Variants in STRN observed in about 807,000 individuals in gnomAD.
STRN encodes the protein protein phosphatase 2 regulatory subunit B'''alpha.
STRN carries 53 observed loss-of-function variants against 96.3 expected under a neutral mutation model. That is an observed-to-expected ratio of 0.55 (90% CI 0.44 to 0.69). The LOEUF (loss-of-function observed/expected upper bound fraction) is 0.69. STRN is among the 30% of genes least tolerant of loss of function. The pLI is 0.00. For missense variants in STRN, 987 were observed against 963.9 expected (o/e 1.02, Z -0.32); for synonymous variants, 428 against 355.9 (o/e 1.20, Z -2.28).
At chr2:36,944,422 C>G (rs1214223146) in intron 1 of STRN, among the ~76,000 whole-genome samples, 1 of 151,968 alleles carries the variant, frequency 6.6e-6, no homozygotes. Context: ...TTTGCGCACA[C>G]AAACAAAATA....
At chr2:36,862,045 T>C (rs1199389265) in intron 12 of STRN, among the ~76,000 whole-genome samples, 1 of 152,188 alleles carries the variant, frequency 6.6e-6, no homozygotes, top group African/African-American at 2.4e-5. Flanking sequence ...TGTTCCTGCA[T>C]TAGTTTGCTT....
chr2:36,929,648 G>A (rs200795049), intron 1 of STRN, among the ~76,000 whole-genome samples: 8 of 152,252 alleles, frequency 5.3e-5, no homozygotes, highest in South Asian at 2.1e-4. Context: ...CTCCCTAAGC[G>A]CTGGGATTAC....
intron 10 of STRN, among the ~76,000 whole-genome samples, chr2:36,875,428 C>T (rs1446647545): frequency 1.4e-5 from 2 of 147,096 alleles, no homozygotes; most frequent in East Asian, 4.1e-4. Context: ...ATGGCTTAAG[C>T]CTAGAAGGTC....
At chr2:36,884,278 T>C (rs1374997682) in intron 8 of STRN, among the ~76,000 whole-genome samples, 1 of 152,208 alleles carries the variant, frequency 6.6e-6, no homozygotes, top group African/African-American at 2.4e-5. Context: ...CTTTTTAAAT[T>C]AAGCAAATGG....
intron 12 of STRN, among the ~76,000 whole-genome samples, chr2:36,866,587 T>C (rs1668634556): frequency 6.6e-6 from 1 of 152,200 alleles, no homozygotes; most frequent in Admixed American, 6.5e-5. Flanking sequence ...AGGTCCCGAA[T>C]ATTTTAGTTT....
At chr2:36,952,700 T>TA (rs1218266269) in intron 1 of STRN, among the ~76,000 whole-genome samples, 2 of 152,198 alleles carry the variant, frequency 1.3e-5, no homozygotes, top group Admixed American at 6.5e-5. Flanking sequence ...TGTTGGCAGA[T>TA]AAAGAACAGA....
intron 10 of STRN, among the ~76,000 whole-genome samples, chr2:36,870,532 G>A (rs1668737043): frequency 6.6e-6 from 1 of 152,092 alleles, no homozygotes; most frequent in Non-Finnish European, 1.5e-5. Context: ...TTATAATGAA[G>A]CTGAAAAATT....
At chr2:36,858,885 C>T (rs1668412946) in intron 13 of STRN, among the ~76,000 whole-genome samples, 1 of 152,202 alleles carries the variant, frequency 6.6e-6, no homozygotes, top group African/African-American at 2.4e-5. Context: ...TTGTGACAGA[C>T]ATCAGTTAGC....
intron 1 of STRN, among the ~76,000 whole-genome samples, chr2:36,964,918 T>G (rs760218230): frequency 6.6e-6 from 1 of 152,184 alleles, no homozygotes; most frequent in Non-Finnish European, 1.5e-5. Context: ...ACACAGGTGC[T>G]GAATAAAATA....
chr2:36,895,873 G>A lies in STRN; in HGVS notation c.796-1840C>T, dbSNP rs138551488. 4.7e-3 allele frequency among the ~76,000 whole-genome samples: 710 copies of A among 151,960 alleles called. 4 individuals are homozygous for A. Among genetic ancestry groups the A allele is most frequent in the African/African-American group, 0.016 (650 of 41,402 alleles). On this transcript the variant is annotated intron_variant, in intron 6 of 17. Transcript: ENST00000263918. ...CAGGAGGCGGAGCTTGCAGTGAGCT[G>A]ACATCACGCCACTGCGCCCCAGCCT...
At chr2:36,939,232 G>A (rs1420300014) in intron 1 of STRN, among the ~76,000 whole-genome samples, 1 of 151,950 alleles carries the variant, frequency 6.6e-6, no homozygotes, top group Admixed American at 6.6e-5. Context: ...CGCCCAGCCT[G>A]TTTTTTGTTT....
Position 36,905,871 on chromosome 2 carries a change from C to T in STRN, c.413-253G>A, listed in dbSNP as rs189720921. Among the ~76,000 whole-genome samples the T allele has an allele frequency of 1.3e-3, 192 of 152,236 alleles. 1 individual carries two copies. Among genetic ancestry groups the T allele is most frequent in the Admixed American group, 2.4e-3 (37 of 15,294 alleles). On this transcript the variant is annotated intron_variant, in intron 3 of 17. Coordinates refer to ENST00000263918, the MANE Select transcript of STRN (RefSeq NM_003162.4). ...ATAAATACATTTTCCCTGTCTTTAA[C>T]TAGACTAAGAATTTTTCTCCAGAAC...
intron 10 of STRN, among the ~76,000 whole-genome samples, chr2:36,871,987 A>G (rs1488265073): frequency 6.6e-6 from 1 of 152,256 alleles, no homozygotes; most frequent in African/African-American, 2.4e-5. Flanking sequence ...CTGGAAGAAG[A>G]AAAGCTGAGT....
chr2:36,852,146 C>A (rs959172571), intron 15 of STRN, among the ~76,000 whole-genome samples: 1 of 152,168 alleles, frequency 6.6e-6, no homozygotes, highest in Admixed American at 6.5e-5. Flanking sequence ...ACACAACTGT[C>A]AAAATTGGTT....
rs373964428 is a variant in STRN, at chr2:36,884,090, G to A, written c.1043-15C>T. ...CCTATTGGGCCCTAGCCAAAAAAAG[G>A]GGGGGTGGGAGGAGATAAAAAAGAG... On this transcript the variant is annotated splice_polypyrimidine_tract_variant and intron_variant, in intron 8 of 17. Transcript: ENST00000263918. 3.0e-6 allele frequency: 4 copies of A among 1,322,458 alleles called. No individual in the cohort carries two copies. Among genetic ancestry groups the A allele is most frequent in the Admixed American group, 3.0e-5 (1 of 33,242 alleles). The allele number at this position is 1,322,458 out of a possible 1,614,324, so 81.9% of individuals were successfully genotyped here. A position where few individuals can be genotyped will look rare whatever the true frequency, so the allele number is the denominator to read the frequency against.
chr2:36,851,258 G>A (rs1668214963), intron 15 of STRN, 151 bp from the exon 16 acceptor site: 1 of 543,380 alleles, frequency 1.8e-6, no homozygotes, highest in East Asian at 3.4e-5. Flanking sequence ...GCCAAGGTGG[G>A]TGGATCACGA....
chr2:36,884,853 A>G (rs768107381), intron 8 of STRN, among the ~76,000 whole-genome samples: 2 of 152,096 alleles, frequency 1.3e-5, no homozygotes, highest in Non-Finnish European at 2.9e-5. Flanking sequence ...GTGGTTTATA[A>G]CTCAATGCTT....
intron 8 of STRN, among the ~76,000 whole-genome samples, chr2:36,884,489 G>A (rs1218848462): frequency 6.6e-6 from 1 of 152,074 alleles, no homozygotes; most frequent in African/African-American, 2.4e-5. Flanking sequence ...TGGTACCCGA[G>A]GTGAAGTCTC....
At chr2:36,901,413 G>A (rs2148198492) in intron 5 of STRN, among the ~76,000 whole-genome samples, 1 of 152,132 alleles carries the variant, frequency 6.6e-6, no homozygotes, top group African/African-American at 2.4e-5. Context: ...TTAGCTGGGT[G>A]CGGTGGCACG....
Sources: allele counts gnomAD v4.1 joint callset (sites outside exome capture counted in the v4.1 genomes callset), GRCh38; gene constraint gnomAD v4.1.1; transcripts MANE v1.5; gene names NCBI Gene and HGNC (gene_info 2026-07-23, HGNC 2026-07-21).